Variants in NOS2 observed in about 807,000 individuals in gnomAD.
NOS2 encodes the protein nitric oxide synthase 2.
NOS2 carries 96 observed loss-of-function variants against 136.0 expected under a neutral mutation model. The observed-to-expected ratio is 0.71, with a 90% confidence interval of 0.60 to 0.84. The LOEUF (loss-of-function observed/expected upper bound fraction) is 0.84, where lower values mean the gene tolerates loss of function less well. Ranked by LOEUF, NOS2 falls within the 40% of genes least tolerant of loss-of-function variation. NOS2 has a pLI of 0.00. For synonymous variants in NOS2, 539 were observed against 587.5 expected, an observed-to-expected ratio of 0.92 and a Z score of 1.20; for missense variants, 1,237 against 1,496.9, an observed-to-expected ratio of 0.83 and a Z score of 2.87.
In NOS2 at chr17:27,774,276, G is replaced by A; in HGVS notation, c.1457C>T (p.Ser486Phe). The change falls in exon 12 of 27, where the codon TCC becomes TTC. Residue 486 changes from serine to phenylalanine, a missense_variant. Transcript: ENST00000313735. ...FHQEMLNYVL[S>F]PFYYYQVEAW... ...CCTAACCTGATAGTAGTAGAAAGGG[G>A]ACAGGACGTAGTTCAGCATCTCCTG... The A allele has an allele frequency of 6.6e-7, 1 of 1,521,234 alleles. No homozygotes were observed. The highest frequency in any genetic ancestry group is 8.8e-7 in the Non-Finnish European group (1 of 1,135,392). The allele number at this position is 1,521,234 out of a possible 1,614,324, so 94.2% of individuals were successfully genotyped here. A position where few individuals can be genotyped will look rare whatever the true frequency, so the allele number is the denominator to read the frequency against.
chr17:27,774,187 TGCAC>T, intron 12 of NOS2, 66 bp downstream of exon 12: 1 of 1,101,776 alleles, frequency 9.1e-7, no homozygotes, highest in Non-Finnish European at 1.2e-6. Flanking sequence ...AACAATGAGG[TGCAC>T]ACACACACAC....
intron 9 of NOS2, among the ~76,000 whole-genome samples, chr17:27,780,018 T>C (rs1597553346): frequency 1.3e-5 from 2 of 152,352 alleles, no homozygotes; most frequent in South Asian, 4.1e-4. Flanking sequence ...GTCTAGACTC[T>C]AGATTATAAA....
At chr17:27,767,003 A>G (rs1026056595) in intron 18 of NOS2, among the ~76,000 whole-genome samples, 13 of 150,594 alleles carry the variant, frequency 8.6e-5, no homozygotes, top group Non-Finnish European at 3.0e-5. Flanking sequence ...TCCGTCTCAA[A>G]AAAAAAAAAA....
intron 11 of NOS2, 115 bp from the exon 12 acceptor site, chr17:27,774,566 G>A (rs971561592): frequency 1.8e-5 from 12 of 670,476 alleles, no homozygotes; most frequent in Admixed American, 1.5e-4. Context: ...TCTGTAACAC[G>A]GGAGAGCAAC....
At chr17:27,798,442 T>C (rs917423502) in intron 2 of NOS2, among the ~76,000 whole-genome samples, 27 of 144,964 alleles carry the variant, frequency 1.9e-4, no homozygotes, top group African/African-American at 6.5e-4. Flanking sequence ...CCTTCCCATA[T>C]TCTTCCCCAA....
rs1027788718 is a variant in NOS2 at position 27,785,315 on chromosome 17, C to A, written c.468-2209G>T. ...AGTACTGTGGCCCAATGAAACCCAT[C>A]CAGGAAAATCCCTGGACCCCGAAAG... On this transcript the variant is annotated intron_variant, in intron 5 of 26. Coordinates refer to ENST00000313735, the MANE Select transcript of NOS2 (RefSeq NM_000625.4). Among the ~76,000 whole-genome samples, 14 of 152,266 alleles carry A rather than the reference C, an allele frequency of 9.2e-5. No individual in the cohort carries two copies. The South Asian group carries it at 2.9e-3, about 32-fold the overall frequency.
At chr17:27,795,462 A>G (rs183551168) in intron 2 of NOS2, among the ~76,000 whole-genome samples, 10 of 152,356 alleles carry the variant, frequency 6.6e-5, no homozygotes, top group Non-Finnish European at 1.3e-4. Context: ...AAGTGGCTCA[A>G]ACAATTCACT....
At chr17:27,775,283 G>C (rs936476500) in intron 11 of NOS2, among the ~76,000 whole-genome samples, 4 of 152,026 alleles carry the variant, frequency 2.6e-5, no homozygotes, top group African/African-American at 9.7e-5. Context: ...AACATGGTGA[G>C]ACCCTGTCTC....
At chr17:27,775,692 G>A (rs750054540) in intron 11 of NOS2, among the ~76,000 whole-genome samples, 91 of 152,294 alleles carry the variant, frequency 6.0e-4, no homozygotes, top group Non-Finnish European at 6.5e-4. Flanking sequence ...GATGTGGTAA[G>A]AGCATTGCTT....
In NOS2 at chr17:27,769,146, G is replaced by C. The variant is rs1418117496; in HGVS notation, c.1865C>G (p.Ala622Gly). The change falls in exon 17 of 27, where the codon GCT (alanine) becomes GGT (glycine). Residue 622 changes from alanine (A) to glycine (G), a missense_variant. Around this residue, in one of 3 missense-constraint regions of NOS2, gnomAD observed 782 missense variants for 909.9 expected, o/e 0.86. Coordinates refer to ENST00000313735, the MANE Select transcript of NOS2 (RefSeq NM_000625.4). ...LKELNNKFRY[A>G]VFGLGSSMYP... Reference sequence around the variant, plus strand: ...CATGCTGGAGCCGAGGCCAAACACAGCGTACCTGCCCGAGGACACACACAG... The same window carrying C: ...CATGCTGGAGCCGAGGCCAAACACACCGTACCTGCCCGAGGACACACACAG... 1 of 1,609,122 alleles carries C rather than the reference G, an allele frequency of 6.2e-7. No individual in the cohort carries two copies. The highest frequency in any genetic ancestry group is 8.5e-7 in the Non-Finnish European group (1 of 1,178,964).
intron 5 of NOS2, among the ~76,000 whole-genome samples, chr17:27,784,162 TACC>T (rs150833363): frequency 3.7e-4 from 29 of 77,576 alleles, no homozygotes; most frequent in African/African-American, 1.2e-3. Context: ...ACACACACAC[TACC>T]ACCACCACCA....
chr17:27,766,484 C>T (rs2151326534), intron 19 of NOS2, 26 bp downstream of exon 19: 1 of 1,578,058 alleles, frequency 6.3e-7, no homozygotes. Context: ...AGAGTATCAC[C>T]CACGAAGCCC....
chr17:27,783,286 G>A (rs774357261), intron 5 of NOS2, among the ~76,000 whole-genome samples, 180 bp from the exon 6 acceptor site: 3 of 152,038 alleles, frequency 2.0e-5, no homozygotes, highest in African/African-American at 4.8e-5. Context: ...AGCACCCCAC[G>A]CTCAATGCTC....
intron 26 of NOS2, 95 bp downstream of exon 26, chr17:27,758,786 C>A (rs1908011779): frequency 5.0e-6 from 5 of 1,006,682 alleles, no homozygotes; most frequent in Non-Finnish European, 6.8e-6. Flanking sequence ...CCTTTCTGGG[C>A]CTGATTCCCC....
At chr17:27,781,945 T>C in intron 7 of NOS2, 70 bp downstream of exon 7, 1 of 1,337,756 alleles carries the variant, frequency 7.5e-7, no homozygotes, top group Non-Finnish European at 1.1e-6. Context: ...TAGACCCAAG[T>C]GCTGCATCTT....
chr17:27,798,857 G>C lies in NOS2; in HGVS notation c.-48C>G. 2.6e-6 allele frequency: 3 copies of C among 1,158,500 alleles called. No homozygotes were observed. Among genetic ancestry groups the C allele is most frequent in the Non-Finnish European group, 3.9e-6 (3 of 764,580 alleles). 71.8% of individuals were successfully genotyped at this position (1,158,500 alleles called of 1,614,324 possible). On this transcript the variant is annotated 5_prime_UTR_variant, in exon 2 of 27. Transcript: ENST00000313735. Reference sequence around the variant, plus strand: ...TCACTTATGTCACTTATCTGGATTTGAGCTCAGATGTTCTTCACTGTGGGG... The same window carrying C: ...TCACTTATGTCACTTATCTGGATTTCAGCTCAGATGTTCTTCACTGTGGGG...
At chr17:27,798,148 C>A (rs956774327) in intron 2 of NOS2, among the ~76,000 whole-genome samples, 2 of 152,094 alleles carry the variant, frequency 1.3e-5, no homozygotes, top group Non-Finnish European at 2.9e-5. Context: ...GTGAGGGCCC[C>A]CTTGGGTTCC....
chr17:27,763,476 A>T (rs1908201990), intron 21 of NOS2, among the ~76,000 whole-genome samples: 1 of 152,220 alleles, frequency 6.6e-6, no homozygotes, highest in Non-Finnish European at 1.5e-5. Context: ...AGGTAGCTTA[A>T]ATTGAGATAA....
In NOS2 at chr17:27,760,627, G is replaced by C. The variant is rs1567632363; in HGVS notation, c.3006C>G (p.His1002Gln). The change falls in exon 24 of 27, where the codon CAC (histidine) becomes CAG (glutamine). Residue 1002 changes from histidine to glutamine, a missense_variant. Around this residue, in one of 3 missense-constraint regions of NOS2, gnomAD observed 782 missense variants for 909.9 expected, o/e 0.86. Coordinates refer to ENST00000313735, the MANE Select transcript of NOS2 (RefSeq NM_000625.4). Reference sequence around the variant, plus strand: ...CTGGGAAGCCTCCAGCCTTACCCTTGTGCTGGGAGTCATGGAGCCGTTGCT... The same window carrying C: ...CTGGGAAGCCTCCAGCCTTACCCTTCTGCTGGGAGTCATGGAGCCGTTGCT... ...FWQQRLHDSQ[H>Q]KGVRGGRMTL... is the part of the protein sequence containing the mutation. 1.3e-6 allele frequency: 2 copies of C among 1,553,548 alleles called. No individual in the cohort carries two copies. The highest frequency in any genetic ancestry group is 1.7e-6 in the Non-Finnish European group (2 of 1,148,178).
Sources: gnomAD v4.1 joint callset for allele counts (sites outside exome capture counted in the v4.1 genomes callset) on GRCh38, gnomAD v4.1.1 for gene constraint, gnomAD v4.1.1 regional missense constraint, MANE v1.5 for transcripts, NCBI Gene and HGNC (gene_info 2026-07-23, HGNC 2026-07-21) for gene names.